MPV17L2: variants seen among roughly 807,000 people sequenced by gnomAD.
MPV17L2 encodes the protein mpv17-like protein 2.
In MPV17L2, 25 loss-of-function variants were observed where a neutral mutation model predicts 24.2. The ratio of observed to expected loss-of-function variants is 1.03; its 90% confidence interval spans 0.75 to 1.44. The LOEUF (loss-of-function observed/expected upper bound fraction) is 1.44, where lower values mean the gene tolerates loss of function less well. Ranked by LOEUF, MPV17L2 falls within the 40% of genes most tolerant of loss-of-function variation. The pLI is 0.00. For synonymous variants in MPV17L2, 130 were observed against 121.4 expected (o/e 1.07, Z -0.46); for missense variants, 271 against 276.2 (o/e 0.98, Z 0.13).
chr19:18,193,535 C>T (rs758691258), intron 1 of MPV17L2, 67 bp downstream of exon 1: 5 of 1,423,036 alleles, frequency 3.5e-6, no homozygotes, highest in Non-Finnish European at 4.6e-6. Flanking sequence ...CGACTGCGGG[C>T]CGTGACCCCT....
rs755352078 is a variant in MPV17L2 at position 18,194,970 on chromosome 19, G to C, written c.448G>C (p.Val150Leu). ...FWEFYKADWC[V>L]WPAAQFVNFL... The stretch of plus-strand genomic sequence containing the variant: ...CCTCTCCCCGCAGGCAGACTGGTGC[G>C]TGTGGCCTGCTGCGCAGTTCGTGAA... Residue 150 changes from valine (V) to leucine (L), a missense_variant, in exon 4 of 5, where the codon GTG becomes CTG. Coordinates refer to ENST00000599612, the MANE Select transcript of MPV17L2 (RefSeq NM_032683.3). 1.9e-6 allele frequency: 3 copies of C among 1,613,320 alleles called. No homozygotes were observed. The highest frequency in any genetic ancestry group is 8.5e-7 in the Non-Finnish European group (1 of 1,179,696).
intron 2 of MPV17L2, 76 bp from the exon 3 acceptor site, chr19:18,194,701 C>A (rs2147976823): frequency 7.3e-7 from 1 of 1,375,156 alleles, no homozygotes; most frequent in East Asian, 2.5e-5. Context: ...CCCGCCCCCT[C>A]CATCGTCAGC....
chr19:18,194,163 C>A, intron 2 of MPV17L2, 129 bp downstream of exon 2: 1 of 1,014,490 alleles, frequency 9.9e-7, no homozygotes. Context: ...GGACTAGGAG[C>A]CAGGTCACAG....
Position 18,196,624 on chromosome 19 carries a change from A to C in MPV17L2, c.*569A>C. The C allele has an allele frequency of 7.4e-5, 29 of 394,382 alleles. No individual in the cohort carries two copies. Among genetic ancestry groups the C allele is most frequent in the Non-Finnish European group, 1.3e-4 (28 of 216,228 alleles). 24.4% of individuals were successfully genotyped at this position (394,382 alleles called of 1,614,324 possible). ...CGCAGTGGCTCCCACCTGTAATCTC[A>C]GCCCTTCCCGAGGCTGAGGTGGAAG... On this transcript the variant is annotated 3_prime_UTR_variant, in exon 5 of 5. Transcript: ENST00000599612.
In MPV17L2 at chr19:18,193,299, G is replaced by A; in HGVS notation, c.18G>A (p.Trp6Ter). 3 of 1,546,310 alleles carry A rather than the reference G, an allele frequency of 1.9e-6. No individual in the cohort carries two copies. The highest frequency in any genetic ancestry group is 2.5e-5 in the East Asian group (1 of 40,228). The change falls in exon 1 of 5, where the codon TGG becomes TGA. Residue 6 changes from tryptophan (W) to a stop codon, truncating the protein, a stop_gained. Coordinates refer to ENST00000599612, the MANE Select transcript of MPV17L2 (RefSeq NM_032683.3). LOFTEE classifies it high-confidence loss of function. The stretch of plus-strand genomic sequence containing the variant: ...TGAGGGCGATGGCGCGGGGTGGCTG[G>A]CGCCGGCTACGCCGCCTGTTATCCG... The part of the protein sequence containing the change: MARGG[W>*]RRLRRLLSAG...
Position 18,193,879 on chromosome 19 carries a change from T to G in MPV17L2, c.203T>G (p.Val68Gly). 1 of 1,614,106 alleles carries G rather than the reference T, an allele frequency of 6.2e-7. No homozygotes were observed. Among genetic ancestry groups the G allele is most frequent in the Non-Finnish European group, 8.5e-7 (1 of 1,179,994 alleles). Residue 68 changes from valine (V) to glycine (G), a missense_variant, in exon 2 of 5, where the codon GTG becomes GGG. Val to Gly is a moderately radical substitution (Grantham distance 109). Transcript: ENST00000599612. ...ACTCTTATAGCGAGCATGTTTGCGGTGGGCTGCAGCATGGGTCCCTTCCTG... is the reference window on the plus strand; with the variant it reads ...ACTCTTATAGCGAGCATGTTTGCGGGGGGCTGCAGCATGGGTCCCTTCCTG... The part of the protein sequence containing the change: ...DPRRSASMFA[V>G]GCSMGPFLHY...
At chr19:18,193,499 C>G in intron 1 of MPV17L2, 31 bp downstream of exon 1, 2 of 1,452,338 alleles carry the variant, frequency 1.4e-6, no homozygotes, top group Non-Finnish European at 1.8e-6. Flanking sequence ...AGTCCTTCAC[C>G]CCGGGCGACC....
chr19:18,195,677 C>CAA (rs56726924), intron 4 of MPV17L2, among the ~76,000 whole-genome samples: 27,017 of 149,478 alleles, frequency 0.18, 2,956 homozygotes, highest in Middle Eastern at 0.27. Context: ...ACTAAAAATA[C>CAA]AAAAAAAAAA....
At chr19:18,193,618 G>C (rs1967462307) in intron 1 of MPV17L2, 150 bp downstream of exon 1, 3 of 1,410,698 alleles carry the variant, frequency 2.1e-6, no homozygotes, top group Non-Finnish European at 2.8e-6. Context: ...TCTCCCCGCA[G>C]CTCTGGGTCT....
chr19:18,194,771 T>A lies in MPV17L2; in HGVS notation c.359-6T>A, dbSNP rs375792025. The A allele has an allele frequency of 1.2e-3, 1,928 of 1,605,026 alleles. 3 individuals carry two copies. The highest frequency in any genetic ancestry group is 1.5e-3 in the Non-Finnish European group (1,755 of 1,176,380). ...TAACACTCTCATTTCTTGGTTTGCT[T>A]CCCAGGCCTTGGCTGCCTGGAGGGT... is the stretch of plus-strand genomic sequence containing the variant. On this transcript the variant is annotated splice_polypyrimidine_tract_variant and splice_region_variant and intron_variant, in intron 2 of 4. Coordinates refer to ENST00000599612, the MANE Select transcript of MPV17L2 (RefSeq NM_032683.3).
intron 1 of MPV17L2, 33 bp downstream of exon 1, chr19:18,193,501 C>T: frequency 4.1e-6 from 6 of 1,450,312 alleles, no homozygotes; most frequent in Middle Eastern, 2.0e-4. Flanking sequence ...TCCTTCACCC[C>T]GGGCGACCTT....
Position 18,193,460 on chromosome 19 carries a change from G to T in MPV17L2, c.179G>T (p.Arg60Leu). The change falls in exon 1 of 5, where the codon CGG (arginine) becomes CTG (leucine). Residue 60 changes from arginine (R) to leucine (L), a missense_variant. Transcript: ENST00000599612. ...RARPGQVFDP[R>L]RSASMFAVGC... ...CGGCCCGGCCAGGTTTTCGACCCAC[G>T]GCGCTCCGGTGAGGACGCCACGCTG... is the stretch of plus-strand genomic sequence containing the variant. The T allele has an allele frequency of 6.5e-7, 1 of 1,528,942 alleles. No homozygotes were observed. The highest frequency in any genetic ancestry group is 8.7e-7 in the Non-Finnish European group (1 of 1,148,916). The allele number at this position is 1,528,942 out of a possible 1,614,324, so 94.7% of individuals were successfully genotyped here. A position where few individuals can be genotyped will look rare whatever the true frequency, so the allele number is the denominator to read the frequency against.
chr19:18,193,560 G>T, intron 1 of MPV17L2, 92 bp downstream of exon 1: 2 of 1,414,200 alleles, frequency 1.4e-6, no homozygotes, highest in Non-Finnish European at 1.8e-6. Flanking sequence ...CGTGGCCTCA[G>T]TCCCCCGCAG....
intron 4 of MPV17L2, 41 bp from the exon 5 acceptor site, chr19:18,195,958 G>A: frequency 6.4e-7 from 1 of 1,565,206 alleles, no homozygotes; most frequent in Non-Finnish European, 8.7e-7. Context: ...AGGGAGGGAT[G>A]AGCCAGGCTT....
chr19:18,196,358 G>A lies in MPV17L2; in HGVS notation c.*303G>A. Reference sequence around the variant, plus strand: ...GGCCCACTCTGCCAACCAGTCTCAAGCACCAGCCCCTCAACACTGCCATCC... The same window carrying A: ...GGCCCACTCTGCCAACCAGTCTCAAACACCAGCCCCTCAACACTGCCATCC... On this transcript the variant is annotated 3_prime_UTR_variant, in exon 5 of 5. Coordinates refer to ENST00000599612, the MANE Select transcript of MPV17L2 (RefSeq NM_032683.3). The A allele has an allele frequency of 1.3e-5, 18 of 1,364,278 alleles. No individual in the cohort carries two copies. The highest frequency in any genetic ancestry group is 1.7e-5 in the Non-Finnish European group (18 of 1,037,048). The allele number at this position is 1,364,278 out of a possible 1,614,324, so 84.5% of individuals were successfully genotyped here. A position where few individuals can be genotyped will look rare whatever the true frequency, so the allele number is the denominator to read the frequency against.
chr19:18,193,344 G>C lies in MPV17L2; in HGVS notation c.63G>C (p.Gln21His). Residue 21 changes from glutamine (Q) to histidine (H), a missense_variant, in exon 1 of 5, where the codon CAG becomes CAC. Coordinates refer to ENST00000599612, the MANE Select transcript of MPV17L2 (RefSeq NM_032683.3). Reference sequence around the variant, plus strand: ...TATCCGCGGGGCAGCTTCTATTCCAGGGCCGCGCGCTGCTCGTCACTAACA... The same window carrying C: ...TATCCGCGGGGCAGCTTCTATTCCACGGCCGCGCGCTGCTCGTCACTAACA... ...RLLSAGQLLF[Q>H]GRALLVTNTL... 6.4e-7 allele frequency: 1 copy of C among 1,565,020 alleles called. No individual in the cohort carries two copies. Among genetic ancestry groups the C allele is most frequent in the South Asian group, 1.2e-5 (1 of 85,800 alleles).
At chr19:18,193,820 G>A (rs1012282173) in intron 1 of MPV17L2, 44 bp from the exon 2 acceptor site, 6 of 1,605,078 alleles carry the variant, frequency 3.7e-6, no homozygotes, top group Non-Finnish European at 4.3e-6. Context: ...ATGGACTGAG[G>A]AACTTGCCGG....
In MPV17L2 at chr19:18,194,044, C is replaced by T; in HGVS notation, c.358+10C>T. The T allele has an allele frequency of 6.2e-7, 1 of 1,613,026 alleles. No individual in the cohort carries two copies. The highest frequency in any genetic ancestry group is 1.3e-5 in the African/African-American group (1 of 75,022). On this transcript the variant is annotated intron_variant, in intron 2 of 4. Coordinates refer to ENST00000599612, the MANE Select transcript of MPV17L2 (RefSeq NM_032683.3). ...GTCTGGTACTTCTTGGGTAAGGAGC[C>T]TCCTAAGCCTAGGCTTTGCCTCTCA... is the stretch of plus-strand genomic sequence containing the variant.
Position 18,193,440 on chromosome 19 carries a change from C to A in MPV17L2, c.159C>A (p.Pro53=). The change falls in exon 1 of 5, where the codon CCC becomes CCA. Residue 53 remains proline, a synonymous_variant. Transcript: ENST00000599612. The stretch of plus-strand genomic sequence containing the variant: ...AGTCCTGGGAGATCCGCGCCCGGCC[C>A]GGCCAGGTTTTCGACCCACGGCGCT... ...VRQSWEIRAR[P]GQVFDPRRSA... is the part of the protein sequence containing the mutation. The A allele has an allele frequency of 6.5e-7, 1 of 1,545,418 alleles. No individual in the cohort carries two copies. The highest frequency in any genetic ancestry group is 8.6e-7 in the Non-Finnish European group (1 of 1,156,614).
Sources: allele counts gnomAD v4.1 joint callset (sites outside exome capture counted in the v4.1 genomes callset), GRCh38; gene constraint gnomAD v4.1.1; transcripts MANE v1.5; gene names NCBI Gene and HGNC (gene_info 2026-07-23, HGNC 2026-07-21).